TELO2: variants seen among roughly 807,000 people sequenced by gnomAD.
TELO2 encodes the protein telomere maintenance 2.
A neutral mutation model predicts 91.0 loss-of-function variants in TELO2; 71 were observed. That is an observed-to-expected ratio of 0.78 (90% CI 0.64 to 0.95). The LOEUF (loss-of-function observed/expected upper bound fraction) is 0.95. Ranked by LOEUF, TELO2 falls within the 40% of genes least tolerant of loss-of-function variation. The pLI is 0.00. For synonymous variants in TELO2, 584 were observed against 518.9 expected (o/e 1.13, Z -1.71); for missense variants, 1,183 against 1,141.3 (o/e 1.04, Z -0.53).
chr16:1,502,759 C>T lies in TELO2; in HGVS notation c.1768C>T (p.Pro590Ser), dbSNP rs922945060. 1 of 1,611,460 alleles carries T rather than the reference C, an allele frequency of 6.2e-7. No homozygotes were observed. The change falls in exon 14 of 21, where the codon CCG becomes TCG. Residue 590 changes from proline to serine, a missense_variant and splice_region_variant. Physicochemically the swap from Pro to Ser is moderately conservative, Grantham distance 74. Transcript: ENST00000262319. ...LVAVTVTDPA[P>S]VADYLTSQFY... is the part of the protein sequence containing the mutation. ...GGCCGTCACGGTCACAGACCCGGCC[C>T]CGGTGAGTTCCCGCACCCGTGGCCC...
intron 19 of TELO2, 115 bp downstream of exon 19, chr16:1,507,485 C>G (rs1415540776): frequency 2.7e-6 from 4 of 1,504,380 alleles, no homozygotes; most frequent in Admixed American, 3.8e-5. Flanking sequence ...CTGGTACTTC[C>G]CAAATAGGAA....
intron 3 of TELO2, 68 bp from the exon 4 acceptor site, chr16:1,496,968 C>G (rs2039514230): frequency 6.6e-7 from 1 of 1,518,946 alleles, no homozygotes; most frequent in Non-Finnish European, 9.0e-7. Flanking sequence ...GAGCAGCTCT[C>G]CCCACACCTA....
chr16:1,494,667 A>T lies in TELO2; in HGVS notation c.335+51A>T. The T allele has an allele frequency of 6.5e-7, 1 of 1,546,810 alleles. No homozygotes were observed. Among genetic ancestry groups the T allele is most frequent in the Non-Finnish European group, 8.7e-7 (1 of 1,144,120 alleles). ...GTTGCCGGTAGCCTCAGAAGTGATG[A>T]GAGTGGCTTGAAGGACTGGACCAAG... is the stretch of plus-strand genomic sequence containing the variant. On this transcript the variant is annotated intron_variant, in intron 2 of 20. Transcript: ENST00000262319. This position sits in a 1 kb window ranked among gnomAD's most constrained non-coding sequence, Gnocchi z 5.6.
rs368407785 is a variant in TELO2 at position 1,506,246 on chromosome 16, G to C, written c.2043G>C (p.Pro681=). The C allele has an allele frequency of 1.2e-6, 2 of 1,613,550 alleles. No individual in the cohort carries two copies. The highest frequency in any genetic ancestry group is 1.7e-6 in the Non-Finnish European group (2 of 1,180,000). Residue 681 remains proline, a synonymous_variant, in exon 17 of 21, where the codon CCG becomes CCC. Coordinates refer to ENST00000262319, the MANE Select transcript of TELO2 (RefSeq NM_016111.4). ...SKTQRLSKGG[P]RQGPAGSPSR... The stretch of plus-strand genomic sequence containing the variant: ...GTAGTTGTGTCTGGCAGGGTGGCCC[G>C]AGGCAGGGCCCGGCAGGCAGCCCCA...
At chr16:1,496,099 G>A (rs544264651) in intron 3 of TELO2, among the ~76,000 whole-genome samples, 69 of 152,336 alleles carry the variant, frequency 4.5e-4, no homozygotes, top group Non-Finnish European at 8.5e-4. Context: ...CACAGCACCC[G>A]GAGCGTCTGC....
chr16:1,499,630 G>A (rs947122070), intron 6 of TELO2, among the ~76,000 whole-genome samples: 2 of 152,092 alleles, frequency 1.3e-5, no homozygotes, highest in Admixed American at 6.5e-5. Context: ...GTGGGGGATA[G>A]GTGAGGACAC....
chr16:1,500,509 C>G, intron 8 of TELO2, 21 bp downstream of exon 8: 2 of 1,608,624 alleles, frequency 1.2e-6, no homozygotes, highest in African/African-American at 2.7e-5. Flanking sequence ...GGTTTGGGCT[C>G]CCCCCGGCCT....
At position 1,510,165 on chromosome 16, in the gene TELO2, T is replaced by C. The variant is rs2745110; in HGVS notation, c.*229T>C. The C allele has an allele frequency of 3.5e-3, 1,872 of 538,150 alleles. 24 individuals carry two copies. The highest frequency in any genetic ancestry group is 0.032 in the African/African-American group (1,676 of 52,214). 33.3% of individuals were successfully genotyped at this position (538,150 alleles called of 1,614,324 possible). A position where few individuals can be genotyped will look rare whatever the true frequency, so the allele number is the denominator to read the frequency against. On this transcript the variant is annotated 3_prime_UTR_variant, in exon 21 of 21. Coordinates refer to ENST00000262319, the MANE Select transcript of TELO2 (RefSeq NM_016111.4). ...CCGCCGGGACATGGCAGCCTGGACG[T>C]GGGGCTGGGGCTGTGGGCGCTGCTG...
At chr16:1,498,620 A>G (rs762833035) in intron 5 of TELO2, among the ~76,000 whole-genome samples, 2 of 152,052 alleles carry the variant, frequency 1.3e-5, no homozygotes, top group Non-Finnish European at 2.9e-5. Context: ...AATTTTTTGT[A>G]GCGACGGGGC....
At chr16:1,506,723 G>A (rs2039906900) in intron 17 of TELO2, 26 of 1,392,474 alleles carry the variant, frequency 1.9e-5, no homozygotes, top group Non-Finnish European at 2.2e-5. Flanking sequence ...CAGCAGGGGT[G>A]GGGGTCTCGG....
In TELO2 at chr16:1,505,359, A is replaced by G. The variant is rs1254695371; in HGVS notation, c.1843-51A>G. Reference sequence around the variant, plus strand: ...GCTTTGGCTGACTTGACTCTTGGGAAATGTTCTTCCCTGGAGCAGTGGCGA... The same window carrying G: ...GCTTTGGCTGACTTGACTCTTGGGAGATGTTCTTCCCTGGAGCAGTGGCGA... On this transcript the variant is annotated intron_variant, in intron 15 of 20. Coordinates refer to ENST00000262319, the MANE Select transcript of TELO2 (RefSeq NM_016111.4). This position sits in a 1 kb window ranked among gnomAD's most constrained non-coding sequence, Gnocchi z 4.3. The G allele has an allele frequency of 1.9e-6, 3 of 1,560,278 alleles. No homozygotes were observed. Among genetic ancestry groups the G allele is most frequent in the Admixed American group, 3.7e-5 (2 of 53,860 alleles).
In TELO2 at chr16:1,502,678, CT is replaced by C. The variant is rs773947194; in HGVS notation, c.1688del (p.Leu563ArgfsTer33). 1 of 1,612,494 alleles carries C rather than the reference CT, an allele frequency of 6.2e-7. No homozygotes were observed. The highest frequency in any genetic ancestry group is 1.3e-5 in the African/African-American group (1 of 74,922). ...SVELAKVLLH[L>X]EEKTCVVGFA... ...GGAGCTGGCCAAGGTGCTTCTGCAT[CT>C]GGAGGAGAAGACCTGTGTGGTGGGA... is the stretch of plus-strand genomic sequence containing the variant. On this transcript the variant is annotated frameshift_variant, in exon 14 of 21. Coordinates refer to ENST00000262319, the MANE Select transcript of TELO2 (RefSeq NM_016111.4). LOFTEE classifies it high-confidence loss of function.
At position 1,500,599 on chromosome 16, in the gene TELO2, G is replaced by T; in HGVS notation, c.1181G>T (p.Arg394Leu). The T allele has an allele frequency of 1.2e-6, 2 of 1,612,054 alleles. No homozygotes were observed. Among genetic ancestry groups the T allele is most frequent in the South Asian group, 1.1e-5 (1 of 90,960 alleles). The change falls in exon 9 of 21, where the codon CGC (arginine) becomes CTC (leucine). Residue 394 changes from arginine to leucine, a missense_variant. Transcript: ENST00000262319. Reference protein sequence around the residue: ...LASMMAGVKCRLDSSLPPVRR... With the variant: ...LASMMAGVKCLLDSSLPPVRR... ...AGCATGATGGCGGGCGTGAAGTGCC[G>T]CCTGGACAGTAGCCTGCCCCCCGTG...
Position 1,509,999 on chromosome 16 carries a change from T to C in TELO2, c.*63T>C. On this transcript the variant is annotated 3_prime_UTR_variant, in exon 21 of 21. Transcript: ENST00000262319. Reference sequence around the variant, plus strand: ...CAAGGCAGGCGGCTGAGCAGCGGCCTGGAGCAGCAGAGCCAGGCTTTGTAG... The same window carrying C: ...CAAGGCAGGCGGCTGAGCAGCGGCCCGGAGCAGCAGAGCCAGGCTTTGTAG... The C allele has an allele frequency of 7.0e-7, 1 of 1,434,666 alleles. No homozygotes were observed. The highest frequency in any genetic ancestry group is 9.5e-7 in the Non-Finnish European group (1 of 1,047,482). 88.9% of individuals were successfully genotyped at this position (1,434,666 alleles called of 1,614,324 possible). A position where few individuals can be genotyped will look rare whatever the true frequency, so the allele number is the denominator to read the frequency against.
Position 1,495,611 on chromosome 16 carries a change from G to GAC in TELO2, c.602_603dup (p.Ser202ThrfsTer68). The GAC allele has an allele frequency of 6.3e-7, 1 of 1,599,312 alleles. No homozygotes were observed. The highest frequency in any genetic ancestry group is 8.5e-7 in the Non-Finnish European group (1 of 1,170,732). ...CGTCCGGGTGCTGCAGGCGGTTGTG[G>GAC]ACTCTCTCCAAGGTGAGGCCCTGCC... On this transcript the variant is annotated frameshift_variant, in exon 3 of 21. Transcript: ENST00000262319. LOFTEE classifies it high-confidence loss of function.
intron 17 of TELO2, 109 bp from the exon 18 acceptor site, chr16:1,506,843 C>T (rs984450380): frequency 8.5e-5 from 122 of 1,439,908 alleles, no homozygotes; most frequent in Admixed American, 1.6e-4. Context: ...GCGGTGGGCA[C>T]GGGAGGAGGG....
At position 1,510,267 on chromosome 16, in the gene TELO2, C is replaced by T. The variant is rs139629562; in HGVS notation, c.*331C>T. The T allele has an allele frequency of 8.7e-4, 315 of 363,254 alleles. No homozygotes were observed. Among genetic ancestry groups the T allele is most frequent in the Non-Finnish European group, 1.3e-3 (255 of 190,628 alleles). The allele number at this position is 363,254 out of a possible 1,614,324, so 22.5% of individuals were successfully genotyped here. A position where few individuals can be genotyped will look rare whatever the true frequency, so the allele number is the denominator to read the frequency against. ...ACGGTGTACCTGCTGCTCAGAGCCC[C>T]CAAGGCTCTCCTCTGAGAGCCACCA... On this transcript the variant is annotated 3_prime_UTR_variant, in exon 21 of 21. Transcript: ENST00000262319.
Position 1,506,942 on chromosome 16 carries a change from T to C in TELO2, c.2127-10T>C. The C allele has an allele frequency of 1.2e-6, 2 of 1,604,636 alleles. No individual in the cohort carries two copies. Among genetic ancestry groups the C allele is most frequent in the Non-Finnish European group, 1.7e-6 (2 of 1,175,514 alleles). On this transcript the variant is annotated splice_polypyrimidine_tract_variant and intron_variant, in intron 17 of 20. Coordinates refer to ENST00000262319, the MANE Select transcript of TELO2 (RefSeq NM_016111.4). ...ACCCGCTGCACCTTGGGCTCCATCC[T>C]GTGCTCTAGGCCTCTGGTGACCTTC... is the stretch of plus-strand genomic sequence containing the variant.
Position 1,510,200 on chromosome 16 carries a change from A to C in TELO2, c.*264A>C. ...GCTGTGGGCGCTGCTGGCGGGGTTG[A>C]CTCTTCCAGTGAGGGCAGAACCAGG... On this transcript the variant is annotated 3_prime_UTR_variant, in exon 21 of 21. Transcript: ENST00000262319. The C allele has an allele frequency of 2.1e-6, 1 of 485,272 alleles. No individual in the cohort carries two copies. Among genetic ancestry groups the C allele is most frequent in the East Asian group, 3.9e-5 (1 of 25,664 alleles). The allele number at this position is 485,272 out of a possible 1,614,324, so 30.1% of individuals were successfully genotyped here. A position where few individuals can be genotyped will look rare whatever the true frequency, so the allele number is the denominator to read the frequency against.
Sources: allele counts gnomAD v4.1 joint callset (sites outside exome capture counted in the v4.1 genomes callset), GRCh38; gene constraint gnomAD v4.1.1; non-coding constraint Gnocchi (gnomAD v3.1); transcripts MANE v1.5; gene names NCBI Gene and HGNC (gene_info 2026-07-23, HGNC 2026-07-21).